Variants in ZFAT observed in about 807,000 individuals in gnomAD.
ZFAT encodes the protein zinc finger protein ZFAT.
Under a neutral mutation model 117.7 loss-of-function variants are expected in ZFAT, and 64 were observed. The ratio of observed to expected loss-of-function variants is 0.54; its 90% CI spans 0.44 to 0.67. The LOEUF is 0.67. ZFAT is among the 30% of genes least tolerant of loss of function. The pLI is 0.00. For missense variants in ZFAT, 1,433 were observed against 1,584.5 expected, an observed-to-expected ratio of 0.90 and a Z score of 1.62; for synonymous variants, 679 against 615.0, an observed-to-expected ratio of 1.10 and a Z score of -1.54.
intron 3 of ZFAT, among the ~76,000 whole-genome samples, chr8:134,616,902 A>G (rs939302699): frequency 6.6e-6 from 1 of 152,238 alleles, no homozygotes; most frequent in African/African-American, 2.4e-5. Context: ...AAAAAATAAA[A>G]TATAAATAAG....
chr8:134,822,803 C>G, the ZFAT span, among the ~76,000 whole-genome samples: 1 of 152,088 alleles, frequency 6.6e-6, no homozygotes, highest in Non-Finnish European at 1.5e-5. Flanking sequence ...TACTAAAGCC[C>G]TACCTACTTC....
intron 11 of ZFAT, among the ~76,000 whole-genome samples, chr8:134,544,721 T>C (rs1034989860): frequency 4.0e-5 from 6 of 151,826 alleles, no homozygotes; most frequent in Admixed American, 2.0e-4. Flanking sequence ...AAAAAACATA[T>C]GAAAAGGGGC....
At chr8:134,505,120 T>C (rs1377435508) in intron 15 of ZFAT, among the ~76,000 whole-genome samples, 1 of 152,196 alleles carries the variant, frequency 6.6e-6, no homozygotes, top group African/African-American at 2.4e-5. Context: ...CAGTGTACTT[T>C]TTGCCTCTAA....
intron 11 of ZFAT, among the ~76,000 whole-genome samples, chr8:134,535,494 T>A (rs977890243): frequency 5.1e-5 from 1 of 19,770 alleles, no homozygotes; most frequent in Admixed American, 5.8e-4. Flanking sequence ...CCCCTCCCCC[T>A]CCCCCTCCCT....
intron 11 of ZFAT, among the ~76,000 whole-genome samples, chr8:134,548,842 TG>T (rs1822905098): frequency 6.6e-6 from 1 of 152,174 alleles, no homozygotes; most frequent in Non-Finnish European, 1.5e-5. Context: ...CTGAGCTTCC[TG>T]AGGACAGAAG....
chr8:134,645,993 G>T, intron 2 of ZFAT, among the ~76,000 whole-genome samples: 1 of 152,054 alleles, frequency 6.6e-6, no homozygotes. Context: ...ACAAGGTCAG[G>T]AGTTTGAGAA....
chr8:134,682,666 A>T (rs11994090), intron 1 of ZFAT, among the ~76,000 whole-genome samples: 2,039 of 152,242 alleles, frequency 0.013, 50 homozygotes, highest in African/African-American at 0.045. Flanking sequence ...AAAATAAAAT[A>T]AAATTAAATT....
intron 15 of ZFAT, among the ~76,000 whole-genome samples, chr8:134,487,328 C>A (rs2130086318): frequency 6.6e-6 from 1 of 152,300 alleles, no homozygotes; most frequent in South Asian, 2.1e-4. Context: ...AAAAGGTAGG[C>A]CCCTCCCAGT....
chr8:134,775,884 A>G, the ZFAT span, among the ~76,000 whole-genome samples: 116,502 of 152,128 alleles, frequency 0.77, 45,128 homozygotes, highest in African/African-American at 0.89. Context: ...TAGAATAAAG[A>G]CATAAAAACT....
At chr8:134,516,880 A>C (rs1050198730) in intron 13 of ZFAT, among the ~76,000 whole-genome samples, 5 of 152,232 alleles carry the variant, frequency 3.3e-5, no homozygotes, top group Admixed American at 2.0e-4. Context: ...AAATAAAGGT[A>C]GAACAATGGC....
chr8:134,598,396 C>T (rs1374793222), intron 7 of ZFAT: 1 of 152,216 alleles, frequency 6.6e-6, no homozygotes, highest in East Asian at 1.9e-4. Flanking sequence ...AGAGATAAGC[C>T]TCTCAGAAGG....
intron 3 of ZFAT, among the ~76,000 whole-genome samples, chr8:134,623,557 C>T (rs1829283538): frequency 6.6e-6 from 1 of 152,202 alleles, no homozygotes; most frequent in African/African-American, 2.4e-5. Flanking sequence ...CCCTGGTCCC[C>T]AGCCAAAACC....
At chr8:134,600,754 A>G (rs907409137) in intron 6 of ZFAT, 86 bp from the exon 7 acceptor site, 3 of 1,067,856 alleles carry the variant, frequency 2.8e-6, no homozygotes, top group Non-Finnish European at 3.9e-6. Flanking sequence ...TTTTATCTAC[A>G]ATATCTATCT....
At chr8:134,792,114 A>C in the ZFAT span, 1 of 152,232 alleles carries the variant, frequency 6.6e-6, no homozygotes, top group East Asian at 1.9e-4. Flanking sequence ...GGCTGTTTTA[A>C]AACATGGTAA....
intron 1 of ZFAT, among the ~76,000 whole-genome samples, chr8:134,687,648 G>A (rs893041250): frequency 3.3e-5 from 5 of 152,014 alleles, no homozygotes; most frequent in African/African-American, 1.2e-4. Context: ...CCCTGGACAC[G>A]ACAGCTCCCC....
intron 1 of ZFAT, chr8:134,696,675 T>C (rs1833859992): frequency 2.2e-6 from 2 of 927,472 alleles, no homozygotes; most frequent in South Asian, 9.9e-5. Context: ...ACAGAGGCTC[T>C]GATTGGCCCA....
At chr8:134,638,740 A>T (rs1323105658) in intron 2 of ZFAT, among the ~76,000 whole-genome samples, 1 of 151,686 alleles carries the variant, frequency 6.6e-6, no homozygotes, top group Non-Finnish European at 1.5e-5. Context: ...ATAAAAAAAA[A>T]AAAAGATGGG....
At chr8:134,512,667 T>C (rs1819946497) in intron 13 of ZFAT, 66 bp from the exon 14 acceptor site, 1 of 1,569,618 alleles carries the variant, frequency 6.4e-7, no homozygotes, top group Admixed American at 1.9e-5. Context: ...AGTTCCAAGA[T>C]AACATACTAA....
At chr8:134,582,913 T>TG (rs1159188606) in intron 10 of ZFAT, among the ~76,000 whole-genome samples, 3 of 152,262 alleles carry the variant, frequency 2.0e-5, no homozygotes, top group African/African-American at 7.2e-5. Flanking sequence ...TATATAATTT[T>TG]GGTAAATAAC....
Sources: gnomAD v4.1 joint callset for allele counts (sites outside exome capture counted in the v4.1 genomes callset) on GRCh38, gnomAD v4.1.1 for gene constraint, MANE v1.5 for transcripts, NCBI Gene and HGNC (gene_info 2026-07-23, HGNC 2026-07-21) for gene names.